NNMT: variants seen among roughly 807,000 people sequenced by gnomAD.
The protein encoded by NNMT is nicotinamide N-methyltransferase.
In NNMT, 10 loss-of-function variants were observed where a neutral mutation model predicts 11.7. That is an observed-to-expected ratio of 0.85 (90% CI 0.53 to 1.45). The LOEUF (loss-of-function observed/expected upper bound fraction) is 1.45. Among genes scored for constraint, NNMT ranks in the 40% most tolerant of loss-of-function variants. The pLI, the probability that NNMT is intolerant of heterozygous loss-of-function variation, is 0.00. For synonymous variants in NNMT, 143 were observed against 133.8 expected, an observed-to-expected ratio of 1.07 and a Z score of -0.48; for missense variants, 381 against 319.4, an observed-to-expected ratio of 1.19 and a Z score of -1.47.
intron 2 of NNMT, among the ~76,000 whole-genome samples, chr11:114,278,586 A>C (rs962734157): frequency 6.6e-6 from 1 of 151,212 alleles, no homozygotes; most frequent in Non-Finnish European, 1.5e-5. Context: ...GACTGTTGGT[A>C]GGGGTGGGAG....
chr11:114,258,479 G>A (rs761335096), intron 1 of NNMT, among the ~76,000 whole-genome samples: 4 of 152,332 alleles, frequency 2.6e-5, no homozygotes, highest in Middle Eastern at 3.4e-3. Flanking sequence ...CACTCAGCAC[G>A]GCCAGGCCTT....
At chr11:114,281,234 C>A (rs1303133653) in intron 2 of NNMT, among the ~76,000 whole-genome samples, 1 of 152,184 alleles carries the variant, frequency 6.6e-6, no homozygotes, top group African/African-American at 2.4e-5. Context: ...GCACAATTAG[C>A]TCACTAGATC....
intron 2 of NNMT, among the ~76,000 whole-genome samples, chr11:114,300,460 C>CTA (rs1945427684): frequency 6.6e-6 from 1 of 152,088 alleles, no homozygotes; most frequent in Non-Finnish European, 1.5e-5. Flanking sequence ...AGTAAACGTT[C>CTA]TATGTGCTTT....
upstream of NNMT, among the ~76,000 whole-genome samples, chr11:114,292,524 T>C (rs1945342426): frequency 6.6e-6 from 1 of 152,226 alleles, no homozygotes; most frequent in Non-Finnish European, 1.5e-5. Flanking sequence ...CCTGGGACGA[T>C]GAATCAAATT....
At position 114,263,525 on chromosome 11, in the gene NNMT, C is replaced by T. The variant is rs536048615; in HGVS notation, c.-130+591C>T. Reference sequence around the variant, plus strand: ...AACCTGAAGGGTGCCCATTACAAAACTCTTTCCCACCTGAAGAGTATCTCA... The same window carrying T: ...AACCTGAAGGGTGCCCATTACAAAATTCTTTCCCACCTGAAGAGTATCTCA... On this transcript the variant is annotated intron_variant, in intron 2 of 4. Coordinates refer to the NNMT transcript ENST00000535401. 4.5e-4 allele frequency among the ~76,000 whole-genome samples: 68 copies of T among 152,284 alleles called. 1 individual carries two copies. The highest frequency in any genetic ancestry group is 3.9e-3 in the South Asian group (19 of 4,826).
At chr11:114,279,996 G>A (rs889281025) in intron 2 of NNMT, among the ~76,000 whole-genome samples, 24 of 152,142 alleles carry the variant, frequency 1.6e-4, no homozygotes, top group African/African-American at 5.8e-4. Flanking sequence ...GGTGGAAGAA[G>A]CCACGTGACA....
chr11:114,267,039 C>G (rs1410227965), intron 2 of NNMT, among the ~76,000 whole-genome samples: 1 of 152,162 alleles, frequency 6.6e-6, no homozygotes, highest in Admixed American at 6.5e-5. Flanking sequence ...CCAAGGTAGG[C>G]AAATCATCTG....
At chr11:114,295,515 C>A (rs955284474), upstream of NNMT, among the ~76,000 whole-genome samples, 1 of 151,038 alleles carries the variant, frequency 6.6e-6, no homozygotes, top group Non-Finnish European at 1.5e-5. Flanking sequence ...AGCTCCGCCC[C>A]CCGGGTTCAT....
chr11:114,259,672 C>T (rs1438216149), intron 1 of NNMT, among the ~76,000 whole-genome samples: 1 of 151,172 alleles, frequency 6.6e-6, no homozygotes. Context: ...GCTGCGTTTT[C>T]TGCACCCAGG....
upstream of NNMT, among the ~76,000 whole-genome samples, chr11:114,294,477 C>CAA (rs60331768): frequency 0.53 from 64,785 of 123,176 alleles, 17,744 homozygotes; most frequent in Non-Finnish European, 0.6. Context: ...GACTCCACAT[C>CAA]AAAAAAAAAA....
chr11:114,287,895 T>C (rs941148069), intron 2 of NNMT, among the ~76,000 whole-genome samples: 4 of 152,212 alleles, frequency 2.6e-5, no homozygotes, highest in African/African-American at 9.6e-5. Flanking sequence ...TTTATTTAGG[T>C]CTTCTTTAAT....
chr11:114,289,211 T>A (rs537681450), intron 2 of NNMT, among the ~76,000 whole-genome samples: 17 of 152,220 alleles, frequency 1.1e-4, no homozygotes, highest in Admixed American at 3.9e-4. Context: ...ATCTTTTAAA[T>A]GTCTGCAGCA....
intron 2 of NNMT, among the ~76,000 whole-genome samples, chr11:114,309,584 T>C (rs1389574524): frequency 7.0e-6 from 1 of 143,686 alleles, no homozygotes; most frequent in African/African-American, 2.6e-5. Flanking sequence ...AGCTCATCTC[T>C]CTCTCTCTCT....
intron 2 of NNMT, among the ~76,000 whole-genome samples, chr11:114,310,611 CTGTCAAGCCTTGA>C (rs1039520947): frequency 1.3e-5 from 2 of 152,240 alleles, no homozygotes; most frequent in Non-Finnish European, 2.9e-5. Context: ...TCTCTGCTGT[CTGTCAAGCCTTGA>C]TGCCCAAGTG....
chr11:114,277,608 A>C (rs562739598), intron 2 of NNMT, among the ~76,000 whole-genome samples: 1 of 152,318 alleles, frequency 6.6e-6, no homozygotes, highest in East Asian at 1.9e-4. Context: ...CCACATGCTG[A>C]GACCTGGAGA....
In NNMT at chr11:114,312,761, T is replaced by G. The variant is rs1430160457; in HGVS notation, c.*284T>G. ...CCTCACTTCCCTAAACATCTAGTTA[T>G]GGCGGCTCAAGCCCGTACCTGCCTA... On this transcript the variant is annotated 3_prime_UTR_variant, in exon 3 of 3. Transcript: ENST00000299964. 1 of 402,474 alleles carries G rather than the reference T, an allele frequency of 2.5e-6. No homozygotes were observed. The highest frequency in any genetic ancestry group is 4.5e-6 in the Non-Finnish European group (1 of 223,260). The allele number at this position is 402,474 out of a possible 1,614,324, so 24.9% of individuals were successfully genotyped here.
At chr11:114,263,563 C>T (rs1387288301) in intron 2 of NNMT, among the ~76,000 whole-genome samples, 1 of 152,196 alleles carries the variant, frequency 6.6e-6, no homozygotes, top group Non-Finnish European at 1.5e-5. Flanking sequence ...ATCATGGCCA[C>T]TTTATAACCT....
intron 2 of NNMT, among the ~76,000 whole-genome samples, chr11:114,266,939 A>T (rs1945124969): frequency 6.6e-6 from 1 of 152,262 alleles, no homozygotes; most frequent in Non-Finnish European, 1.5e-5. Flanking sequence ...AGTTATAACA[A>T]GAGAAAATAG....
intron 2 of NNMT, among the ~76,000 whole-genome samples, chr11:114,277,788 G>A (rs1945225291): frequency 6.6e-6 from 1 of 152,152 alleles, no homozygotes; most frequent in Non-Finnish European, 1.5e-5. Flanking sequence ...TGGTGGGCAG[G>A]TAAGTGATCG....
Sources: gnomAD v4.1 joint callset for allele counts (sites outside exome capture counted in the v4.1 genomes callset) on GRCh38, gnomAD v4.1.1 for gene constraint, MANE v1.5 for transcripts, NCBI Gene and HGNC (gene_info 2026-07-23, HGNC 2026-07-21) for gene names.